Variants in CAMTA1 observed in about 807,000 individuals in gnomAD.
The protein encoded by CAMTA1 is calmodulin binding transcription activator 1, also known as calmodulin-binding transcription activator 1.
A neutral mutation model predicts 170.9 loss-of-function variants in CAMTA1; 27 were observed. The observed-to-expected ratio is 0.16, with a 90% CI of 0.12 to 0.22. The LOEUF (loss-of-function observed/expected upper bound fraction) is 0.22. Among genes scored for constraint, CAMTA1 ranks in the 10% least tolerant of loss-of-function variants. The pLI is 1.00. For synonymous variants in CAMTA1, 833 were observed against 891.5 expected (o/e 0.93, Z 1.17); for missense variants, 1,619 against 2,217.2 (o/e 0.73, Z 5.42).
chr1:7,669,381 C>A (rs930648444), intron 9 of CAMTA1, among the ~76,000 whole-genome samples: 2 of 152,268 alleles, frequency 1.3e-5, no homozygotes, highest in African/African-American at 4.8e-5. Flanking sequence ...CTGGGCCAGG[C>A]CTGGGTTCCA....
rs1395631005 is a variant in CAMTA1, at chr1:7,732,477, C to T, written c.2944C>T (p.Arg982Ter). ...CCAGTTCAGGATGTCCATCCTGGAA[C>T]GACTGGAGCAGATGGAGAGGAGGAT... Reference protein sequence around the residue: ...DNQFRMSILERLEQMERRMAE... With the variant: ...DNQFRMSILE Residue 982 changes from arginine (R) to a stop codon, truncating the protein, a stop_gained, in exon 12 of 23, where the codon CGA (arginine) becomes TGA (stop). Transcript: ENST00000303635. LOFTEE classifies it high-confidence loss of function. This position sits in a 1 kb window ranked among gnomAD's most constrained non-coding sequence, Gnocchi z 4.1. 6.2e-7 allele frequency: 1 copy of T among 1,614,016 alleles called. No homozygotes were observed. The highest frequency in any genetic ancestry group is 8.5e-7 in the Non-Finnish European group (1 of 1,180,018).
intron 6 of CAMTA1, among the ~76,000 whole-genome samples, chr1:7,623,505 G>A (rs1475847820): frequency 1.3e-5 from 2 of 152,152 alleles, no homozygotes; most frequent in African/African-American, 4.8e-5. Context: ...AGAAATGAAG[G>A]AAACACAAAG....
At chr1:7,557,048 C>T (rs954963919) in intron 6 of CAMTA1, among the ~76,000 whole-genome samples, 2 of 152,156 alleles carry the variant, frequency 1.3e-5, no homozygotes, top group East Asian at 3.9e-4. Context: ...TGGCTCACAC[C>T]TGTAATCCCA....
intron 1 of CAMTA1, among the ~76,000 whole-genome samples, chr1:6,789,873 C>T (rs1222636687): frequency 2.8e-5 from 4 of 143,848 alleles, no homozygotes; most frequent in Admixed American, 7.1e-5. Flanking sequence ...TGCAGTGGCA[C>T]GATCTCGGTT....
chr1:7,507,437 C>CT (rs2094136838), intron 6 of CAMTA1, among the ~76,000 whole-genome samples: 1 of 152,166 alleles, frequency 6.6e-6, no homozygotes, highest in Non-Finnish European at 1.5e-5. Context: ...GAGCTGTTTA[C>CT]TCCCCCAAGC....
At chr1:7,154,402 T>C (rs1646748632) in intron 4 of CAMTA1, among the ~76,000 whole-genome samples, 1 of 152,068 alleles carries the variant, frequency 6.6e-6, no homozygotes, top group Non-Finnish European at 1.5e-5. Context: ...CTTTGTGAGG[T>C]CGATGGGGTT....
At chr1:7,366,671 G>A (rs2085991652) in intron 5 of CAMTA1, among the ~76,000 whole-genome samples, 1 of 152,246 alleles carries the variant, frequency 6.6e-6, no homozygotes, top group Non-Finnish European at 1.5e-5. Flanking sequence ...TATTTGCCCA[G>A]TCAAGTCGGC....
intron 6 of CAMTA1, among the ~76,000 whole-genome samples, chr1:7,530,937 C>A (rs528972085): frequency 6.6e-6 from 1 of 151,476 alleles, no homozygotes; most frequent in African/African-American, 2.4e-5. Flanking sequence ...GCCTCAGCCT[C>A]CCCCAAGTAG....
chr1:7,409,191 C>T (rs10864301), intron 5 of CAMTA1, among the ~76,000 whole-genome samples: 50,893 of 152,170 alleles, frequency 0.33, 9,043 homozygotes, highest in Middle Eastern at 0.61. Flanking sequence ...GGCATGCAGG[C>T]TGGACTTCCG....
In CAMTA1 at chr1:7,173,149, T is replaced by C. The variant is rs772928285; in HGVS notation, c.303-76342T>C. On this transcript the variant is annotated intron_variant, in intron 4 of 22. Transcript: ENST00000303635. The surrounding 1 kb of genome is among the most constrained non-coding windows in gnomAD (Gnocchi z 5.4). ...TTCCTCAGGAGAGACAGAAAGAGCC[T>C]TTGGCTGCCCTCTGTCCTCTTGAGG... Among the ~76,000 whole-genome samples the C allele has an allele frequency of 3.3e-5, 5 of 152,200 alleles. No homozygotes were observed. The highest frequency in any genetic ancestry group is 5.9e-5 in the Non-Finnish European group (4 of 68,038).
In CAMTA1 at chr1:7,528,959, G is replaced by GTGCCAGTAACTAGTCA. The variant is rs6143108; in HGVS notation, c.510+61105_510+61120dup. Among the ~76,000 whole-genome samples the GTGCCAGTAACTAGTCA allele has an allele frequency of 5.3e-5, 8 of 150,924 alleles. No homozygotes were observed. In the South Asian group the frequency reaches 1.1e-3, roughly 20 times the overall value. On this transcript the variant is annotated intron_variant, in intron 6 of 22. Transcript: ENST00000303635. ...GGGTAGAAACTCCTGCACAGGGTTG[G>GTGCCAGTAACTAGTCA]TGCCAGTAACTAGTCATGCCAGTAA...
At chr1:7,124,310 G>T (rs892090285) in intron 4 of CAMTA1, among the ~76,000 whole-genome samples, 8 of 152,110 alleles carry the variant, frequency 5.3e-5, no homozygotes, top group African/African-American at 1.4e-4. Flanking sequence ...TGCTACCGAC[G>T]GGTGCAGCAT....
chr1:7,581,004 G>A (rs1442221157), intron 6 of CAMTA1, among the ~76,000 whole-genome samples: 2 of 152,254 alleles, frequency 1.3e-5, no homozygotes, highest in African/African-American at 4.8e-5. Flanking sequence ...GCTTAGTAAA[G>A]TGCCACCACA....
intron 5 of CAMTA1, among the ~76,000 whole-genome samples, chr1:7,373,755 A>G (rs1227585940): frequency 6.6e-6 from 1 of 152,266 alleles, no homozygotes; most frequent in Non-Finnish European, 1.5e-5. Context: ...ACAGAGTTGT[A>G]CAAATACCCC....
At chr1:7,578,639 C>T (rs183956619) in intron 6 of CAMTA1, among the ~76,000 whole-genome samples, 5 of 152,320 alleles carry the variant, frequency 3.3e-5, no homozygotes, top group Admixed American at 6.5e-5. Flanking sequence ...AACAGAAAAC[C>T]GCAGGCTGGG....
At chr1:7,430,766 G>T (rs921407108) in intron 5 of CAMTA1, among the ~76,000 whole-genome samples, 1 of 152,142 alleles carries the variant, frequency 6.6e-6, no homozygotes, top group Non-Finnish European at 1.5e-5. Context: ...CTCTATTTCT[G>T]CCCTGTGGGC....
At chr1:7,550,695 A>C in intron 6 of CAMTA1, among the ~76,000 whole-genome samples, 1 of 134,628 alleles carries the variant, frequency 7.4e-6, no homozygotes, top group Admixed American at 7.3e-5. Context: ...TCTGTCTCAC[A>C]CAGTCCTCTC....
intron 3 of CAMTA1, among the ~76,000 whole-genome samples, chr1:6,936,029 G>A (rs902652754): frequency 1.3e-5 from 2 of 152,210 alleles, no homozygotes; most frequent in Non-Finnish European, 1.5e-5. Flanking sequence ...TGAGCCTGGA[G>A]GATGGCCTCA....
rs1302865320 is a variant in CAMTA1, at chr1:7,746,182, A to AT, written c.4617+94dup. ...AATCATGCGAACAAAAACATTTACT[A>AT]TTTCTTTTTTTCCTCTGAATTTGTA... On this transcript the variant is annotated intron_variant, in intron 18 of 22. Transcript: ENST00000303635. 8.3e-6 allele frequency: 12 copies of AT among 1,451,896 alleles called. No individual in the cohort carries two copies. The African/African-American group carries it at 1.6e-4, about 19-fold the overall frequency. 89.9% of individuals were successfully genotyped at this position (1,451,896 alleles called of 1,614,324 possible).
Sources: allele counts gnomAD v4.1 joint callset (sites outside exome capture counted in the v4.1 genomes callset), GRCh38; gene constraint gnomAD v4.1.1; non-coding constraint Gnocchi (gnomAD v3.1); transcripts MANE v1.5; gene names NCBI Gene and HGNC (gene_info 2026-07-23, HGNC 2026-07-21).